The following EXOC6B variants were observed in gnomAD, a reference collection of about 807,000 sequenced individuals.
EXOC6B encodes SEC15 homolog B.
EXOC6B carries 54 observed loss-of-function variants against 113.5 expected under a neutral mutation model. The ratio of observed to expected loss-of-function variants is 0.48; its 90% CI spans 0.38 to 0.60. The LOEUF is 0.60. Among genes scored for constraint, EXOC6B ranks in the 20% least tolerant of loss-of-function variants. EXOC6B has a pLI of 0.00. For synonymous variants in EXOC6B, 357 were observed against 339.0 expected (o/e 1.05, Z -0.58); for missense variants, 797 against 977.5 (o/e 0.82, Z 2.46).
intron 20 of EXOC6B, among the ~76,000 whole-genome samples, chr2:72,270,230 G>T (rs1248493955): frequency 1.3e-5 from 2 of 152,114 alleles, no homozygotes; most frequent in Non-Finnish European, 2.9e-5. Flanking sequence ...AAACCCCTGG[G>T]TGGTCAAAAT....
At chr2:72,503,832 T>G (rs1302613652) in intron 11 of EXOC6B, among the ~76,000 whole-genome samples, 1 of 152,234 alleles carries the variant, frequency 6.6e-6, no homozygotes, top group Non-Finnish European at 1.5e-5. Context: ...GAATTCCTGA[T>G]GCTGCACATT....
At chr2:72,238,983 C>T (rs148498951) in intron 20 of EXOC6B, among the ~76,000 whole-genome samples, 11 of 152,270 alleles carry the variant, frequency 7.2e-5, no homozygotes, top group African/African-American at 2.6e-4. Context: ...ACTGCAGCCT[C>T]AACCTCCCAG....
At chr2:72,773,115 A>ATTTTTTT (rs1683493598) in intron 1 of EXOC6B, among the ~76,000 whole-genome samples, 1 of 118,258 alleles carries the variant, frequency 8.5e-6, no homozygotes, top group African/African-American at 3.7e-5. Context: ...TAGACCTTAG[A>ATTTTTTT]TTTTCTTTTT....
intron 11 of EXOC6B, among the ~76,000 whole-genome samples, chr2:72,510,085 C>A (rs1430043880): frequency 6.6e-6 from 1 of 152,204 alleles, no homozygotes; most frequent in Admixed American, 6.5e-5. Flanking sequence ...CTGCCCTCCT[C>A]GGCCTCCCAA....
chr2:72,503,400 C>T (rs1322377799), intron 11 of EXOC6B, among the ~76,000 whole-genome samples: 1 of 152,186 alleles, frequency 6.6e-6, no homozygotes, highest in Admixed American at 6.5e-5. Flanking sequence ...TTTCTTGTCT[C>T]CATAGTTTTG....
chr2:72,639,133 C>G (rs1011911834), intron 6 of EXOC6B, among the ~76,000 whole-genome samples: 2 of 152,168 alleles, frequency 1.3e-5, no homozygotes, highest in Admixed American at 6.5e-5. Context: ...CTGGTGGTGT[C>G]TGCACAGGCG....
At chr2:72,722,851 C>T (rs1003041350) in intron 5 of EXOC6B, among the ~76,000 whole-genome samples, 9 of 152,140 alleles carry the variant, frequency 5.9e-5, no homozygotes, top group Admixed American at 1.3e-4. Context: ...TGTCTGCAGA[C>T]GCAAGGCACA....
At chr2:72,605,188 G>T (rs1670674017) in intron 6 of EXOC6B, among the ~76,000 whole-genome samples, 1 of 151,616 alleles carries the variant, frequency 6.6e-6, no homozygotes, top group African/African-American at 2.4e-5. Context: ...GAGGGCTGAG[G>T]CAGAAGAATT....
At chr2:72,467,185 T>C (rs1251257778) in intron 17 of EXOC6B, among the ~76,000 whole-genome samples, 1 of 152,238 alleles carries the variant, frequency 6.6e-6, no homozygotes, top group Admixed American at 6.5e-5. Context: ...TAAGACTGTA[T>C]AGTATTGCAT....
intron 8 of EXOC6B, among the ~76,000 whole-genome samples, chr2:72,516,564 G>C (rs1230892269): frequency 6.6e-6 from 1 of 152,100 alleles, no homozygotes; most frequent in Non-Finnish European, 1.5e-5. Context: ...TTAATCCAAA[G>C]CTTTTCTAAA....
intron 6 of EXOC6B, among the ~76,000 whole-genome samples, chr2:72,659,130 A>C (rs1233873753): frequency 1.3e-5 from 2 of 152,164 alleles, no homozygotes; most frequent in Non-Finnish European, 2.9e-5. Context: ...TGAATTAATA[A>C]ACTGGAATAT....
intron 8 of EXOC6B, among the ~76,000 whole-genome samples, chr2:72,556,621 C>T (rs780045582): frequency 6.6e-5 from 10 of 151,400 alleles, no homozygotes; most frequent in Non-Finnish European, 1.3e-4. Flanking sequence ...TTCTTTTTTC[C>T]ATGAACTTCC....
chr2:72,218,359 G>T (rs1680662607), intron 20 of EXOC6B, among the ~76,000 whole-genome samples: 1 of 152,140 alleles, frequency 6.6e-6, no homozygotes, highest in African/African-American at 2.4e-5. Context: ...CTTTGATCCT[G>T]TCTTAATTTC....
chr2:72,572,805 A>C (rs1704599222), intron 7 of EXOC6B, among the ~76,000 whole-genome samples: 1 of 152,248 alleles, frequency 6.6e-6, no homozygotes. Context: ...TTTGAGATTA[A>C]GAATGTGCAC....
chr2:72,645,546 C>T (rs1673640910), intron 6 of EXOC6B, among the ~76,000 whole-genome samples: 1 of 152,136 alleles, frequency 6.6e-6, no homozygotes, highest in Admixed American at 6.5e-5. Context: ...GGAACTAAAG[C>T]ACTCCTCAGC....
chr2:72,743,523 C>T (rs1681482167), intron 1 of EXOC6B, among the ~76,000 whole-genome samples: 1 of 152,070 alleles, frequency 6.6e-6, no homozygotes, highest in African/African-American at 2.4e-5. Context: ...TAATGCTCAT[C>T]CCCTATACCT....
At chr2:72,204,862 C>A (rs1415316502) in intron 20 of EXOC6B, among the ~76,000 whole-genome samples, 1 of 152,076 alleles carries the variant, frequency 6.6e-6, no homozygotes, top group African/African-American at 2.4e-5. Flanking sequence ...TTTCACAGCT[C>A]TGAACAAAAG....
chr2:72,749,800 G>A (rs993503015), intron 1 of EXOC6B, among the ~76,000 whole-genome samples: 3 of 151,744 alleles, frequency 2.0e-5, no homozygotes, highest in Non-Finnish European at 2.9e-5. Context: ...ACCAATAATG[G>A]TTAACACTAG....
chr2:72,807,500 T>G (rs1440128733), intron 1 of EXOC6B, among the ~76,000 whole-genome samples: 1 of 152,186 alleles, frequency 6.6e-6, no homozygotes, highest in Non-Finnish European at 1.5e-5. Context: ...CTTTTGCTAT[T>G]CAGGCTCCTT....
Sources: allele counts gnomAD v4.1 joint callset (sites outside exome capture counted in the v4.1 genomes callset), GRCh38; gene constraint gnomAD v4.1.1; transcripts MANE v1.5; gene names NCBI Gene and HGNC (gene_info 2026-07-23, HGNC 2026-07-21).